The following ADGRB1 variants were observed in gnomAD, a reference collection of about 807,000 sequenced individuals.
The protein encoded by ADGRB1 is brain-specific angiogenesis inhibitor 1.
ADGRB1 carries 36 observed loss-of-function variants against 175.7 expected under a neutral mutation model. That is an observed-to-expected ratio of 0.20 (90% CI 0.16 to 0.27). The LOEUF is 0.27. ADGRB1 is among the 10% of genes least tolerant of loss of function. The pLI is 1.00. For synonymous variants in ADGRB1, 1,054 were observed against 979.4 expected (o/e 1.08, Z -1.42); for missense variants, 1,731 against 2,255.3 (o/e 0.77, Z 4.71).
chr8:142,513,972 G>T (rs1254500698), intron 18 of ADGRB1, among the ~76,000 whole-genome samples: 1 of 152,048 alleles, frequency 6.6e-6, no homozygotes, highest in African/African-American at 2.4e-5. Context: ...GAGGTAAGAG[G>T]AGAGCAGTCA....
intron 27 of ADGRB1, 65 bp from the exon 28 acceptor site, chr8:142,541,876 G>A: frequency 6.9e-7 from 1 of 1,448,076 alleles, no homozygotes; most frequent in Non-Finnish European, 9.2e-7. Context: ...TCTCCTGCTG[G>A]GGACTGTCCT....
Position 142,511,983 on chromosome 8 carries a change from C to A in ADGRB1, c.2817+910C>A, listed in dbSNP as rs1355577611. Among the ~76,000 whole-genome samples the A allele has an allele frequency of 6.6e-6, 1 of 152,194 alleles. No homozygotes were observed. Among genetic ancestry groups the A allele is most frequent in the Non-Finnish European group, 1.5e-5 (1 of 68,036 alleles). On this transcript the variant is annotated intron_variant, in intron 18 of 30. Transcript: ENST00000517894. This position sits in a 1 kb window ranked among gnomAD's most constrained non-coding sequence, Gnocchi z 4.5. ...TGGCATTGCTGGCCCTTGGGGAACC[C>A]CGGGTTCGATGTAGAAGGTAGCGCC...
rs1167007886 is a variant in ADGRB1 at position 142,476,603 on chromosome 8, C to T, written c.965C>T (p.Ser322Phe). 1.3e-6 allele frequency: 2 copies of T among 1,548,816 alleles called. No individual in the cohort carries two copies. The highest frequency in any genetic ancestry group is 2.4e-5 in the East Asian group (1 of 40,912). ...CCTGCAGCCGCTGGGCGCACCAGCT[C>T]CCGGAGCCAGTCCCTGCGGTCCACA... Reference protein sequence around the residue: ...EACGPAGRTSSRSQSLRSTDA... With the variant: ...EACGPAGRTSFRSQSLRSTDA... Residue 322 changes from serine (S) to phenylalanine (F), a missense_variant, in exon 4 of 31, where the codon TCC becomes TTC. Around this residue, in one of 8 missense-constraint regions of ADGRB1, gnomAD observed 178 missense variants for 227.8 expected, o/e 0.78. Transcript: ENST00000517894.
rs754863808 is a variant in ADGRB1 at position 142,484,059 on chromosome 8, C to A, written c.2199+14C>A. The stretch of plus-strand genomic sequence containing the variant: ...GAGGCCCAGCTGGTAGGGCCTGGGG[C>A]CCCTACGGTCAGCAGCCTCAGGAGG... On this transcript the variant is annotated intron_variant, in intron 12 of 30. Transcript: ENST00000517894. 3 of 1,604,406 alleles carry A rather than the reference C, an allele frequency of 1.9e-6. No individual in the cohort carries two copies. The Admixed American group carries it at 5.3e-5, about 28-fold the overall frequency.
intron 2 of ADGRB1, among the ~76,000 whole-genome samples, chr8:142,473,266 C>T (rs1241385216): frequency 6.6e-6 from 1 of 152,142 alleles, no homozygotes; most frequent in African/African-American, 2.4e-5. Flanking sequence ...GAGGGGGGTG[C>T]CGCAGGACGT....
rs989587925 is a variant in ADGRB1 at position 142,492,549 on chromosome 8, C to T, written c.2675+1734C>T. Among the ~76,000 whole-genome samples the T allele has an allele frequency of 3.9e-5, 6 of 152,134 alleles. No individual in the cohort carries two copies. The highest frequency in any genetic ancestry group is 9.7e-5 in the African/African-American group (4 of 41,412). ...CTGCGTGTGAGTGTCTGGGGATGAGCGTCGCAGGGGAAGGAGCAGCCGGGG... is the reference window on the plus strand; with the variant it reads ...CTGCGTGTGAGTGTCTGGGGATGAGTGTCGCAGGGGAAGGAGCAGCCGGGG... On this transcript the variant is annotated intron_variant, in intron 17 of 30. Transcript: ENST00000517894. The surrounding 1 kb of genome is among the most constrained non-coding windows in gnomAD (Gnocchi z 4.4).
chr8:142,512,072 T>C (rs112663060), intron 18 of ADGRB1, among the ~76,000 whole-genome samples: 2,369 of 152,318 alleles, frequency 0.016, 56 homozygotes, highest in African/African-American at 0.05. Context: ...CAGGTGATGT[T>C]GGCAGCTGGG....
chr8:142,466,388 T>C (rs1246962546), intron 2 of ADGRB1, among the ~76,000 whole-genome samples: 2 of 152,178 alleles, frequency 1.3e-5, no homozygotes, highest in Non-Finnish European at 1.5e-5. Flanking sequence ...CACGGGGCCA[T>C]GGATCCCAGA....
chr8:142,508,006 G>A (rs1187215158), intron 17 of ADGRB1, among the ~76,000 whole-genome samples: 3 of 151,990 alleles, frequency 2.0e-5, no homozygotes, highest in Non-Finnish European at 4.4e-5. Context: ...GGGAGGCAGC[G>A]ATTATCCAAC....
intron 27 of ADGRB1, among the ~76,000 whole-genome samples, chr8:142,540,608 A>G (rs962354767): frequency 5.3e-5 from 8 of 152,174 alleles, no homozygotes. Flanking sequence ...AGGTGGGTAC[A>G]TGCGAGGGAG....
chr8:142,453,024 TCCCG>T (rs934433944), intron 1 of ADGRB1, among the ~76,000 whole-genome samples: 6 of 119,068 alleles, frequency 5.0e-5, no homozygotes, highest in Non-Finnish European at 6.6e-5. Context: ...GCCACCTCCC[TCCCG>T]CCCGCCCGCC....
rs369021726 is a variant in ADGRB1, at chr8:142,501,503, T to C, written c.2676-9429T>C. Among the ~76,000 whole-genome samples the C allele has an allele frequency of 3.6e-3, 160 of 44,916 alleles. 2 individuals are homozygous for C. Among genetic ancestry groups the C allele is most frequent in the Non-Finnish European group, 6.4e-3 (115 of 17,832 alleles). The allele number at this position is 44,916 out of a possible 152,430, so 29.5% of individuals were successfully genotyped here. ...GATGATGGGGTGGTGGTAGTGATGT[T>C]TGTGTGGTTTTGACGATGGAGGTGG... On this transcript the variant is annotated intron_variant, in intron 17 of 30. Transcript: ENST00000517894.
intron 23 of ADGRB1, among the ~76,000 whole-genome samples, chr8:142,525,531 C>A (rs576825403): frequency 6.6e-6 from 1 of 152,164 alleles, no homozygotes; most frequent in Non-Finnish European, 1.5e-5. Flanking sequence ...TTCTCTGCTC[C>A]GGCCACATCA....
intron 24 of ADGRB1, among the ~76,000 whole-genome samples, chr8:142,527,144 G>A (rs528725952): frequency 9.8e-5 from 15 of 152,316 alleles, no homozygotes; most frequent in African/African-American, 3.6e-4. Context: ...CAGCACAGCA[G>A]CTGGACAGGG....
intron 1 of ADGRB1, among the ~76,000 whole-genome samples, chr8:142,463,605 C>T (rs1179679046): frequency 6.6e-6 from 1 of 152,262 alleles, no homozygotes; most frequent in African/African-American, 2.4e-5. Context: ...GGCAGCCACG[C>T]AGAGCGTGGT....
chr8:142,517,738 G>A (rs561330649), intron 18 of ADGRB1, among the ~76,000 whole-genome samples: 4 of 152,120 alleles, frequency 2.6e-5, no homozygotes, highest in Admixed American at 1.3e-4. Flanking sequence ...CGGATTTCTC[G>A]AAGCCTGGGC....
intron 1 of ADGRB1, among the ~76,000 whole-genome samples, chr8:142,451,460 C>T (rs1839345451): frequency 6.6e-6 from 1 of 152,156 alleles, no homozygotes; most frequent in African/African-American, 2.4e-5. Context: ...GTTCTTCCTC[C>T]GGGTCTGGGG....
At chr8:142,508,310 A>G (rs1247171572) in intron 17 of ADGRB1, among the ~76,000 whole-genome samples, 2 of 152,146 alleles carry the variant, frequency 1.3e-5, no homozygotes, top group Non-Finnish European at 2.9e-5. Context: ...GCATGGGGAC[A>G]GTGGCTTCTG....
In ADGRB1 at chr8:142,493,155, T is replaced by G. The variant is rs1842060342; in HGVS notation, c.2675+2340T>G. ...TGGGGGGCCTGCAGAGTAAATTGCT[T>G]TTTAGAAAGGAAAGCATCCCCTTTG... is the stretch of plus-strand genomic sequence containing the variant. On this transcript the variant is annotated intron_variant, in intron 17 of 30. Transcript: ENST00000517894. This position sits in a 1 kb window ranked among gnomAD's most constrained non-coding sequence, Gnocchi z 5.0. Among the ~76,000 whole-genome samples, 1 of 151,738 alleles carries G rather than the reference T, an allele frequency of 6.6e-6. No individual in the cohort carries two copies. The highest frequency in any genetic ancestry group is 1.5e-5 in the Non-Finnish European group (1 of 67,916).
Sources: gnomAD v4.1 joint callset for allele counts (sites outside exome capture counted in the v4.1 genomes callset) on GRCh38, gnomAD v4.1.1 for gene constraint, gnomAD v4.1.1 regional missense constraint, Gnocchi (gnomAD v3.1) non-coding constraint, MANE v1.5 for transcripts, NCBI Gene and HGNC (gene_info 2026-07-23, HGNC 2026-07-21) for gene names.